The following IGSF21 variants were observed in gnomAD, a reference collection of about 807,000 sequenced individuals.
The protein encoded by IGSF21 is immunoglobulin superfamily member 21.
IGSF21 carries 28 observed loss-of-function variants against 46.8 expected under a neutral mutation model. The ratio of observed to expected loss-of-function variants is 0.60; its 90% CI spans 0.44 to 0.82. The LOEUF (loss-of-function observed/expected upper bound fraction) is 0.82, where lower values mean the gene tolerates loss of function less well. Among genes scored for constraint, IGSF21 ranks in the 40% least tolerant of loss-of-function variants. The probability of loss-of-function intolerance (pLI) is 0.00; values close to 1 mark genes in which losing one functional copy is unlikely to be tolerated. For missense variants in IGSF21, 624 were observed against 665.5 expected (o/e 0.94, Z 0.69); for synonymous variants, 284 against 273.6 (o/e 1.04, Z -0.38).
intron 1 of IGSF21, chr1:18,110,471 A>C (rs2086133651): frequency 6.6e-6 from 1 of 152,212 alleles, no homozygotes; most frequent in Non-Finnish European, 1.5e-5. Flanking sequence ...CCTGCCTCCG[A>C]GGGCGCAGAG....
At chr1:18,376,275 T>C (rs1361284772) in intron 6 of IGSF21, 35 bp from the exon 7 acceptor site, 4 of 1,426,810 alleles carry the variant, frequency 2.8e-6, no homozygotes, top group Admixed American at 1.7e-5. Flanking sequence ...CCTCCTTTCC[T>C]TACTCTCTCT....
chr1:18,313,492 C>T (rs28561544), intron 3 of IGSF21, among the ~76,000 whole-genome samples: 5,212 of 152,236 alleles, frequency 0.034, 326 homozygotes, highest in African/African-American at 0.12. Flanking sequence ...GTCTATCTTG[C>T]AGAGGGCTCA....
chr1:18,308,783 A>T (rs2085452589), intron 3 of IGSF21, among the ~76,000 whole-genome samples: 1 of 152,128 alleles, frequency 6.6e-6, no homozygotes, highest in Admixed American at 6.5e-5. Context: ...GATGGCCTTG[A>T]TGACCTGTGA....
At chr1:18,242,512 A>G (rs1371833602) in intron 2 of IGSF21, among the ~76,000 whole-genome samples, 1 of 152,168 alleles carries the variant, frequency 6.6e-6, no homozygotes, top group Non-Finnish European at 1.5e-5. Flanking sequence ...GAGTCTAAAC[A>G]AGTATTGTCA....
intron 1 of IGSF21, among the ~76,000 whole-genome samples, chr1:18,171,513 G>A (rs1172590730): frequency 6.6e-6 from 1 of 152,178 alleles, no homozygotes; most frequent in South Asian, 2.1e-4. Context: ...TCAGTCCCCA[G>A]CGTCAGAAAG....
At chr1:18,351,332 G>T (rs2085951961) in intron 4 of IGSF21, among the ~76,000 whole-genome samples, 1 of 152,198 alleles carries the variant, frequency 6.6e-6, no homozygotes, top group Non-Finnish European at 1.5e-5. Flanking sequence ...TGGGCAGGAA[G>T]CCATCAGTGG....
intron 1 of IGSF21, among the ~76,000 whole-genome samples, chr1:18,146,588 G>A (rs931517881): frequency 3.9e-5 from 6 of 152,282 alleles, no homozygotes; most frequent in African/African-American, 9.6e-5. Context: ...TCCCTTAGGG[G>A]AGAAGTGCCT....
chr1:18,133,282 C>T (rs1052343799), intron 1 of IGSF21, among the ~76,000 whole-genome samples: 7 of 152,194 alleles, frequency 4.6e-5, no homozygotes, highest in African/African-American at 1.4e-4. Flanking sequence ...GGTTCCATCT[C>T]GCCTCTGCTG....
chr1:18,153,944 C>T (rs1250236217), intron 1 of IGSF21, among the ~76,000 whole-genome samples: 2 of 152,146 alleles, frequency 1.3e-5, no homozygotes, highest in Admixed American at 6.5e-5. Flanking sequence ...GACACTGAAG[C>T]CCGGAGCAGG....
intron 1 of IGSF21, among the ~76,000 whole-genome samples, chr1:18,223,293 C>G (rs534474009): frequency 6.6e-6 from 1 of 152,376 alleles, no homozygotes; most frequent in South Asian, 2.1e-4. Flanking sequence ...CTTCCCTGCC[C>G]TGTCTGAGAG....
chr1:18,191,594 C>T (rs1557580525), intron 1 of IGSF21, among the ~76,000 whole-genome samples: 1 of 151,884 alleles, frequency 6.6e-6, no homozygotes, highest in South Asian at 2.1e-4. Context: ...TATCCCCTGG[C>T]GCGGGAGCAC....
Position 18,111,197 on chromosome 1 carries a change from G to A in IGSF21, c.70+2999G>A, listed in dbSNP as rs547067887. ...CTGGCGCGGCAGGGTTTCTTCTCCA[G>A]CCCCAACTGGGGGAGTTAAGGGCCC... On this transcript the variant is annotated intron_variant, in intron 1 of 9. Coordinates refer to ENST00000251296, the MANE Select transcript of IGSF21 (RefSeq NM_032880.5). The A allele has an allele frequency of 3.3e-5, 5 of 152,356 alleles. No homozygotes were observed. In the East Asian group the frequency reaches 9.7e-4, roughly 30 times the overall value. The allele number at this position is 152,356 out of a possible 1,614,324, so 9.4% of individuals were successfully genotyped here.
chr1:18,311,814 A>G (rs2085491266), intron 3 of IGSF21, among the ~76,000 whole-genome samples: 1 of 152,204 alleles, frequency 6.6e-6, no homozygotes, highest in Non-Finnish European at 1.5e-5. Context: ...ATTCTCTACC[A>G]TGAGAACAGT....
intron 3 of IGSF21, among the ~76,000 whole-genome samples, chr1:18,305,192 A>ATGGC (rs2085406999): frequency 6.6e-6 from 1 of 151,782 alleles, no homozygotes; most frequent in Non-Finnish European, 1.5e-5. Flanking sequence ...GGATGGATGG[A>ATGGC]TGGATGGATG....
chr1:18,208,397 T>TATATATATATATATA (rs368652183), intron 1 of IGSF21, among the ~76,000 whole-genome samples: 4,190 of 92,266 alleles, frequency 0.045, 727 homozygotes, highest in Non-Finnish European at 0.069. Context: ...ATATATATAT[T>TATATATATATATATA]TTTTGAGACG....
chr1:18,245,163 C>A (rs973685155), intron 2 of IGSF21, among the ~76,000 whole-genome samples: 2 of 152,190 alleles, frequency 1.3e-5, no homozygotes, highest in African/African-American at 2.4e-5. Flanking sequence ...TTTAACATTG[C>A]ATATGATACT....
At chr1:18,136,269 C>T (rs930253464) in intron 1 of IGSF21, among the ~76,000 whole-genome samples, 14 of 152,246 alleles carry the variant, frequency 9.2e-5, no homozygotes, top group African/African-American at 3.4e-4. Flanking sequence ...TTAATTAGAT[C>T]CCATTTGTCA....
At chr1:18,355,687 T>C (rs1203203938) in intron 4 of IGSF21, among the ~76,000 whole-genome samples, 1 of 152,144 alleles carries the variant, frequency 6.6e-6, no homozygotes, top group Non-Finnish European at 1.5e-5. Context: ...GGGAGTTTTA[T>C]GGTGGTATCC....
At chr1:18,135,437 G>A (rs921144170) in intron 1 of IGSF21, among the ~76,000 whole-genome samples, 4 of 110,798 alleles carry the variant, frequency 3.6e-5, no homozygotes, top group African/African-American at 1.4e-4. Context: ...ACAGTCCCCA[G>A]TGTGTGATGT....
Sources: gnomAD v4.1 joint callset for allele counts (sites outside exome capture counted in the v4.1 genomes callset) on GRCh38, gnomAD v4.1.1 for gene constraint, MANE v1.5 for transcripts, NCBI Gene and HGNC (gene_info 2026-07-23, HGNC 2026-07-21) for gene names.